The following SGCZ variants were observed in gnomAD, a reference collection of about 807,000 sequenced individuals.
SGCZ encodes zeta-sarcoglycan.
In SGCZ, 40 loss-of-function variants were observed where a neutral mutation model predicts 41.3. That is an observed-to-expected ratio of 0.97 (90% CI 0.75 to 1.26). The LOEUF is 1.26. SGCZ is among the 50% of genes most tolerant of loss of function. SGCZ has a pLI of 0.00. For missense variants in SGCZ, 552 were observed against 369.8 expected (o/e 1.49, Z -4.04); for synonymous variants, 206 against 137.5 (o/e 1.50, Z -3.49).
In SGCZ at chr8:15,022,856, A is replaced by G. The variant is rs147470169; in HGVS notation, c.39+214729T>C. Reference sequence around the variant, plus strand: ...TTGTGCAAGAATTACTATTTTCTACATTTCATAGATAAAGACGTTAAGGTT... The same window carrying G: ...TTGTGCAAGAATTACTATTTTCTACGTTTCATAGATAAAGACGTTAAGGTT... On this transcript the variant is annotated intron_variant, in intron 1 of 7. Transcript: ENST00000382080. Among the ~76,000 whole-genome samples the G allele has an allele frequency of 3.9e-5, 6 of 152,314 alleles. No homozygotes were observed. In the East Asian group the frequency reaches 9.6e-4, roughly 24 times the overall value.
intron 1 of SGCZ, among the ~76,000 whole-genome samples, chr8:14,956,170 T>A (rs1800786030): frequency 6.6e-6 from 1 of 151,284 alleles, no homozygotes. Context: ...CTCCCGAGTA[T>A]CTGGGACTAC....
At chr8:14,694,627 T>C (rs924955367) in intron 1 of SGCZ, among the ~76,000 whole-genome samples, 2 of 152,198 alleles carry the variant, frequency 1.3e-5, no homozygotes, top group African/African-American at 4.8e-5. Context: ...TGTGCCTTTC[T>C]CATTTACAAT....
chr8:14,356,847 T>C (rs1162633480), intron 2 of SGCZ, among the ~76,000 whole-genome samples: 3 of 152,096 alleles, frequency 2.0e-5, no homozygotes, highest in South Asian at 2.1e-4. Context: ...TAAAATAGTA[T>C]ATTTTTTCTA....
At chr8:14,256,862 T>A (rs1354501661) in intron 3 of SGCZ, among the ~76,000 whole-genome samples, 1 of 152,202 alleles carries the variant, frequency 6.6e-6, no homozygotes, top group Non-Finnish European at 1.5e-5. Context: ...CTAAATTAAT[T>A]ATTTATAGAC....
At chr8:15,206,369 C>A (rs1345510860) in intron 1 of SGCZ, among the ~76,000 whole-genome samples, 4 of 151,678 alleles carry the variant, frequency 2.6e-5, no homozygotes, top group African/African-American at 9.7e-5. Context: ...AGAGTAGTGA[C>A]TTACCCAATT....
chr8:14,990,847 A>T (rs1431243749), intron 1 of SGCZ, among the ~76,000 whole-genome samples: 1 of 152,106 alleles, frequency 6.6e-6, no homozygotes, highest in Non-Finnish European at 1.5e-5. Flanking sequence ...CTTGAGGTAC[A>T]GGGAGAGAAA....
chr8:14,105,886 C>A (rs1157822501), intron 6 of SGCZ, among the ~76,000 whole-genome samples: 2 of 151,732 alleles, frequency 1.3e-5, no homozygotes, highest in African/African-American at 2.4e-5. Flanking sequence ...CATATAGTTA[C>A]CAAAACGTTA....
chr8:14,893,204 G>A (rs1805079479), intron 1 of SGCZ, among the ~76,000 whole-genome samples: 1 of 152,122 alleles, frequency 6.6e-6, no homozygotes, highest in South Asian at 2.1e-4. Context: ...GACTACAAGA[G>A]TAGGGTCAGA....
chr8:14,157,912 T>C (rs1434117538), intron 5 of SGCZ, among the ~76,000 whole-genome samples: 1 of 152,168 alleles, frequency 6.6e-6, no homozygotes, highest in Non-Finnish European at 1.5e-5. Flanking sequence ...CCAGGCACGG[T>C]AGCTCATGCC....
intron 1 of SGCZ, among the ~76,000 whole-genome samples, chr8:14,793,256 C>T (rs1418578834): frequency 6.6e-6 from 1 of 152,092 alleles, no homozygotes; most frequent in Non-Finnish European, 1.5e-5. Context: ...CCCTTTTTTG[C>T]ACTGACTGCT....
intron 2 of SGCZ, among the ~76,000 whole-genome samples, chr8:14,540,679 A>G (rs1803438370): frequency 6.6e-6 from 1 of 151,914 alleles, no homozygotes; most frequent in African/African-American, 2.4e-5. Flanking sequence ...TAGTGATCAC[A>G]TATCTTATTA....
At chr8:14,950,110 A>C (rs956894440) in intron 1 of SGCZ, among the ~76,000 whole-genome samples, 1 of 152,064 alleles carries the variant, frequency 6.6e-6, no homozygotes, top group Non-Finnish European at 1.5e-5. Context: ...AAATACTAAA[A>C]CTATACTCTC....
At chr8:14,775,759 G>C (rs1235310349) in intron 1 of SGCZ, among the ~76,000 whole-genome samples, 2 of 152,078 alleles carry the variant, frequency 1.3e-5, no homozygotes, top group Non-Finnish European at 1.5e-5. Flanking sequence ...TTTTCAAAAA[G>C]GTAAAAATTT....
chr8:14,714,724 T>C (rs997506818), intron 1 of SGCZ, among the ~76,000 whole-genome samples: 2 of 151,812 alleles, frequency 1.3e-5, no homozygotes, highest in African/African-American at 2.4e-5. Context: ...TCCAGAAAAA[T>C]ACTAGAAAAA....
intron 1 of SGCZ, among the ~76,000 whole-genome samples, chr8:15,089,875 T>C (rs973479749): frequency 6.6e-6 from 1 of 152,208 alleles, no homozygotes; most frequent in Non-Finnish European, 1.5e-5. Flanking sequence ...GCTCAGTTAA[T>C]ACTGTGTTCA....
At chr8:14,320,198 C>T (rs1309057861) in intron 3 of SGCZ, among the ~76,000 whole-genome samples, 1 of 150,108 alleles carries the variant, frequency 6.7e-6, no homozygotes, top group African/African-American at 2.4e-5. Flanking sequence ...AAAGCATAAA[C>T]TTTATCTGCA....
At chr8:14,737,074 T>C (rs1387709396) in intron 1 of SGCZ, among the ~76,000 whole-genome samples, 1 of 146,992 alleles carries the variant, frequency 6.8e-6, no homozygotes, top group Non-Finnish European at 1.5e-5. Flanking sequence ...ACAGTATATA[T>C]CTGGTATATA....
chr8:15,108,720 TA>T (rs1297093652), intron 1 of SGCZ, among the ~76,000 whole-genome samples: 5 of 152,160 alleles, frequency 3.3e-5, no homozygotes, highest in African/African-American at 1.2e-4. Context: ...ATTTGAAAAT[TA>T]AAAGAATGAA....
In SGCZ at chr8:14,718,855, T is replaced by A. The variant is rs566646239; in HGVS notation, c.40-163929A>T. On this transcript the variant is annotated intron_variant, in intron 1 of 7. Transcript: ENST00000382080. ...TTTGTTTAAGAATATATATATATAT[T>A]TTTATTATTATTATTATACTTTGTT... is the stretch of plus-strand genomic sequence containing the variant. 3.8e-3 allele frequency among the ~76,000 whole-genome samples: 527 copies of A among 140,074 alleles called. 3 individuals are homozygous for A. Among genetic ancestry groups the A allele is most frequent in the Non-Finnish European group, 5.3e-3 (350 of 66,358 alleles). 91.9% of individuals were successfully genotyped at this position (140,074 alleles called of 152,430 possible). A position where few individuals can be genotyped will look rare whatever the true frequency, so the allele number is the denominator to read the frequency against.
Sources: allele counts gnomAD v4.1 joint callset (sites outside exome capture counted in the v4.1 genomes callset), GRCh38; gene constraint gnomAD v4.1.1; transcripts MANE v1.5; gene names NCBI Gene and HGNC (gene_info 2026-07-23, HGNC 2026-07-21).